The following CFDP1 variants were observed in gnomAD, a reference collection of about 807,000 sequenced individuals.
CFDP1 encodes chromatin remodeling protein CFDP1.
A neutral mutation model predicts 40.1 loss-of-function variants in CFDP1; 31 were observed. That is an observed-to-expected ratio of 0.77 (90% CI 0.58 to 1.04). The LOEUF is 1.04. Ranked by LOEUF, CFDP1 falls within the 50% of genes least tolerant of loss-of-function variation. CFDP1 has a pLI of 0.00. For synonymous variants in CFDP1, 167 were observed against 120.0 expected (o/e 1.39, Z -2.56); for missense variants, 423 against 343.4 (o/e 1.23, Z -1.83).
At chr16:75,330,615 A>G (rs1328995978) in intron 5 of CFDP1, among the ~76,000 whole-genome samples, 1 of 152,090 alleles carries the variant, frequency 6.6e-6, no homozygotes, top group Non-Finnish European at 1.5e-5. Flanking sequence ...ACAAATGATG[A>G]AAGTTTGGCT....
chr16:75,306,227 T>C (rs563955849), intron 5 of CFDP1, among the ~76,000 whole-genome samples: 3 of 152,356 alleles, frequency 2.0e-5, no homozygotes, highest in South Asian at 4.1e-4. Context: ...GTTCTCCAAG[T>C]GCTTTTGTAG....
chr16:75,341,256 C>T (rs903557224), intron 5 of CFDP1, among the ~76,000 whole-genome samples: 2 of 152,170 alleles, frequency 1.3e-5, no homozygotes, highest in Admixed American at 6.5e-5. Context: ...ATTGCCCACC[C>T]GTCCACCTGC....
At chr16:75,338,944 A>G (rs1482999465) in intron 5 of CFDP1, among the ~76,000 whole-genome samples, 2 of 152,094 alleles carry the variant, frequency 1.3e-5, no homozygotes, top group African/African-American at 4.8e-5. Context: ...CTCTCTCTGG[A>G]CGCTTCCATT....
At chr16:75,396,341 C>T (rs1444540242) in intron 4 of CFDP1, among the ~76,000 whole-genome samples, 5 of 103,800 alleles carry the variant, frequency 4.8e-5, no homozygotes, top group African/African-American at 1.4e-4. Context: ...AGTTTGAGAC[C>T]AGCCTGGCCA....
intron 5 of CFDP1, among the ~76,000 whole-genome samples, chr16:75,338,848 A>C (rs1309812324): frequency 6.6e-6 from 1 of 152,166 alleles, no homozygotes; most frequent in Non-Finnish European, 1.5e-5. Flanking sequence ...AGAACTCTGA[A>C]TATGTTACTT....
chr16:75,408,765 A>C (rs904916434), intron 4 of CFDP1, among the ~76,000 whole-genome samples: 1 of 151,804 alleles, frequency 6.6e-6, no homozygotes, highest in Non-Finnish European at 1.5e-5. Flanking sequence ...ACAGATCAAG[A>C]CCCTGTCTCA....
intron 6 of CFDP1, among the ~76,000 whole-genome samples, chr16:75,297,470 A>G (rs1205653203): frequency 6.6e-6 from 1 of 152,176 alleles, no homozygotes; most frequent in Non-Finnish European, 1.5e-5. Flanking sequence ...GAGACTCAGG[A>G]CATTTTCATG....
intron 5 of CFDP1, among the ~76,000 whole-genome samples, chr16:75,309,285 C>T (rs1459032570): frequency 6.6e-6 from 1 of 152,164 alleles, no homozygotes; most frequent in African/African-American, 2.4e-5. Flanking sequence ...GCTTTCTCTG[C>T]CACAAAGGTA....
chr16:75,311,907 A>C (rs1351284584), intron 5 of CFDP1, among the ~76,000 whole-genome samples: 1 of 151,772 alleles, frequency 6.6e-6, no homozygotes, highest in Admixed American at 6.6e-5. Context: ...ATCCATCAGG[A>C]ATTTTTGTAG....
intron 1 of CFDP1, among the ~76,000 whole-genome samples, chr16:75,418,252 CAAAAAAAAAA>C (rs34789992): frequency 1.8e-5 from 1 of 57,010 alleles, no homozygotes; most frequent in African/African-American, 6.6e-5. Flanking sequence ...AACTCTGTCT[CAAAAAAAAAA>C]AAAAAAAAAA....
chr16:75,411,080 T>C (rs1013019375), intron 4 of CFDP1, among the ~76,000 whole-genome samples: 2 of 151,846 alleles, frequency 1.3e-5, no homozygotes, highest in African/African-American at 4.8e-5. Flanking sequence ...TAACAGGGCA[T>C]GGTTGCACAG....
At chr16:75,324,728 G>C in intron 5 of CFDP1, 1 of 131,720 alleles carries the variant, frequency 7.6e-6, no homozygotes, top group Admixed American at 8.3e-5. Context: ...GGGCTACAGA[G>C]TGAGACTTTG....
chr16:75,422,659 T>G (rs966132651), intron 1 of CFDP1, among the ~76,000 whole-genome samples: 3 of 151,708 alleles, frequency 2.0e-5, no homozygotes, highest in African/African-American at 7.3e-5. Context: ...CCTCCCAAAG[T>G]GCTGGGATTA....
intron 1 of CFDP1, among the ~76,000 whole-genome samples, chr16:75,418,123 C>T (rs769355009): frequency 3.3e-5 from 5 of 151,708 alleles, no homozygotes; most frequent in Admixed American, 6.6e-5. Context: ...TGTGGTGATG[C>T]ATGCCTGTAA....
intron 5 of CFDP1, among the ~76,000 whole-genome samples, chr16:75,383,263 G>A (rs771580350): frequency 3.3e-5 from 5 of 152,138 alleles, no homozygotes; most frequent in Non-Finnish European, 7.3e-5. Flanking sequence ...TTAGAAGACA[G>A]CTGCTCAGCC....
At chr16:75,331,451 C>T (rs1405549981) in intron 5 of CFDP1, among the ~76,000 whole-genome samples, 3 of 152,062 alleles carry the variant, frequency 2.0e-5, no homozygotes, top group South Asian at 4.1e-4. Context: ...ATTTATCTCC[C>T]ATCAGTTTTG....
chr16:75,429,920 G>A (rs754519017), intron 1 of CFDP1, among the ~76,000 whole-genome samples: 5 of 152,146 alleles, frequency 3.3e-5, no homozygotes, highest in Non-Finnish European at 7.3e-5. Flanking sequence ...AAGAGGTCCT[G>A]AGAGCACGCG....
At chr16:75,300,449 G>A (rs570519901) in intron 6 of CFDP1, among the ~76,000 whole-genome samples, 2 of 152,060 alleles carry the variant, frequency 1.3e-5, no homozygotes, top group Non-Finnish European at 2.9e-5. Flanking sequence ...CACCACGCCC[G>A]GCTAATTTTT....
At chr16:75,342,403 T>C (rs1261629376) in intron 5 of CFDP1, among the ~76,000 whole-genome samples, 1 of 152,232 alleles carries the variant, frequency 6.6e-6, no homozygotes, top group Non-Finnish European at 1.5e-5. Context: ...AACTCTGCCA[T>C]GTCTCAGCTT....
Sources: allele counts gnomAD v4.1 joint callset (sites outside exome capture counted in the v4.1 genomes callset), GRCh38; gene constraint gnomAD v4.1.1; transcripts MANE v1.5; gene names NCBI Gene and HGNC (gene_info 2026-07-23, HGNC 2026-07-21).